Variants in WDPCP observed in about 807,000 individuals in gnomAD.
WDPCP encodes WD repeat containing planar cell polarity effector.
A neutral mutation model predicts 93.1 loss-of-function variants in WDPCP; 71 were observed. The ratio of observed to expected loss-of-function variants is 0.76; its 90% CI spans 0.63 to 0.93. The LOEUF (loss-of-function observed/expected upper bound fraction) is 0.93, where lower values mean the gene tolerates loss of function less well. Ranked by LOEUF, WDPCP falls within the 40% of genes least tolerant of loss-of-function variation. The probability of loss-of-function intolerance (pLI) is 0.00; values close to 1 mark genes in which losing one functional copy is unlikely to be tolerated. For synonymous variants in WDPCP, 315 were observed against 315.0 expected (o/e 1.00, Z 0.00); for missense variants, 844 against 887.4 (o/e 0.95, Z 0.62).
intron 2 of WDPCP, among the ~76,000 whole-genome samples, chr2:63,774,161 G>T (rs1670269622): frequency 6.6e-6 from 1 of 152,034 alleles, no homozygotes; most frequent in Non-Finnish European, 1.5e-5. Context: ...TTGTAGGTCA[G>T]AAATTACACA....
Position 63,381,960 on chromosome 2 carries a change from T to C in WDPCP, c.1570A>G (p.Met524Val). 6.2e-7 allele frequency: 1 copy of C among 1,613,588 alleles called. No homozygotes were observed. Among genetic ancestry groups the C allele is most frequent in the Non-Finnish European group, 8.5e-7 (1 of 1,179,722 alleles). ...DTLGHQCFIS[M>V]SAIVNHLLRQ... ...AGAAGATGGTTTACAATGGCGCTCA[T>C]GCTGATAAAGCACTGGTGGCCCAGA... is the stretch of plus-strand genomic sequence containing the variant. The change falls in exon 11 of 18, where the codon ATG becomes GTG. Residue 524 changes from methionine (M) to valine (V), a missense_variant. Transcript: ENST00000272321.
chr2:63,597,262 G>T, intron 3 of WDPCP: 1 of 1,235,382 alleles, frequency 8.1e-7, no homozygotes, highest in Non-Finnish European at 1.0e-6. Context: ...TCTTTCTCAG[G>T]CTCCTGAAAT....
intron 10 of WDPCP, among the ~76,000 whole-genome samples, chr2:63,397,202 A>G (rs1336186586): frequency 6.6e-6 from 1 of 152,168 alleles, no homozygotes; most frequent in Non-Finnish European, 1.5e-5. Context: ...TTTTGACTGT[A>G]TTTAGAAGGC....
chr2:63,269,321 T>C (rs1682429641), intron 13 of WDPCP, among the ~76,000 whole-genome samples: 2 of 152,204 alleles, frequency 1.3e-5, no homozygotes, highest in African/African-American at 4.8e-5. Context: ...TGACTTATAT[T>C]AGCATCATCA....
At chr2:63,542,634 C>G (rs1704831507) in intron 1 of WDPCP, among the ~76,000 whole-genome samples, 1 of 152,186 alleles carries the variant, frequency 6.6e-6, no homozygotes, top group Non-Finnish European at 1.5e-5. Flanking sequence ...TACTCAAATA[C>G]TAAATATGTA....
chr2:63,806,047 T>C (rs565111678), intron 2 of WDPCP, among the ~76,000 whole-genome samples: 17 of 152,022 alleles, frequency 1.1e-4, no homozygotes, highest in Admixed American at 3.3e-4. Context: ...CCAGGAGGCG[T>C]AGGTTGCAGT....
intron 6 of WDPCP, chr2:63,441,448 A>G (rs1188506299): frequency 2.0e-5 from 3 of 151,834 alleles, no homozygotes; most frequent in Admixed American, 6.6e-5. Flanking sequence ...ATTTATTTTT[A>G]TCTACTAAAG....
intron 6 of WDPCP, among the ~76,000 whole-genome samples, chr2:63,465,039 C>G (rs1452945768): frequency 6.6e-6 from 1 of 151,222 alleles, no homozygotes; most frequent in African/African-American, 2.4e-5. Context: ...AAACACAGTA[C>G]CATATGTTTT....
chr2:63,537,242 T>C (rs969172155), intron 1 of WDPCP, among the ~76,000 whole-genome samples: 1 of 152,224 alleles, frequency 6.6e-6, no homozygotes, highest in Non-Finnish European at 1.5e-5. Flanking sequence ...TTGCTGTTAC[T>C]AGTTAAATAT....
At chr2:63,620,181 C>T (rs955885831) in intron 3 of WDPCP, among the ~76,000 whole-genome samples, 1 of 152,136 alleles carries the variant, frequency 6.6e-6, no homozygotes, top group African/African-American at 2.4e-5. Flanking sequence ...GAAGCGTTCA[C>T]CCCCCTGGAA....
intron 17 of WDPCP, among the ~76,000 whole-genome samples, chr2:63,137,954 G>A (rs143839067): frequency 1.3e-4 from 20 of 151,998 alleles, no homozygotes; most frequent in African/African-American, 4.3e-4. Context: ...TTTGGTTACT[G>A]TAGTTCTGTA....
chr2:63,149,878 A>G (rs750828626), intron 17 of WDPCP, among the ~76,000 whole-genome samples: 1 of 152,188 alleles, frequency 6.6e-6, no homozygotes, highest in Non-Finnish European at 1.5e-5. Flanking sequence ...GCATGCACCT[A>G]TAATTCTAGC....
chr2:63,640,256 C>A (rs1210248529), intron 3 of WDPCP, among the ~76,000 whole-genome samples: 2 of 152,108 alleles, frequency 1.3e-5, no homozygotes, highest in Non-Finnish European at 2.9e-5. Context: ...GATCCTCCCA[C>A]TTCGGCCTCC....
At chr2:63,561,235 T>G (rs540632595) in intron 1 of WDPCP, among the ~76,000 whole-genome samples, 1 of 152,154 alleles carries the variant, frequency 6.6e-6, no homozygotes, top group East Asian at 1.9e-4. Flanking sequence ...TCCCAGCACT[T>G]TGGGAGGCCG....
At chr2:63,335,037 T>TC (rs1177294906) in intron 12 of WDPCP, among the ~76,000 whole-genome samples, 2 of 152,186 alleles carry the variant, frequency 1.3e-5, no homozygotes, top group African/African-American at 4.8e-5. Flanking sequence ...GCATATCTGA[T>TC]TGCTTCCTCT....
chr2:63,226,468 G>A (rs1002329595), intron 14 of WDPCP, among the ~76,000 whole-genome samples: 4 of 151,634 alleles, frequency 2.6e-5, no homozygotes, highest in African/African-American at 9.7e-5. Context: ...CCTGACCTGA[G>A]TCATCTTTGT....
intron 2 of WDPCP, among the ~76,000 whole-genome samples, chr2:63,690,955 A>C (rs535429375): frequency 1.6e-4 from 24 of 152,302 alleles, no homozygotes; most frequent in East Asian, 1.5e-3. Flanking sequence ...GTAAAAAAAA[A>C]CCACATAATT....
chr2:63,773,860 T>A (rs1398041141), intron 2 of WDPCP, among the ~76,000 whole-genome samples: 1 of 152,066 alleles, frequency 6.6e-6, no homozygotes, highest in Non-Finnish European at 1.5e-5. Context: ...ATAAAAACGT[T>A]GAGTATTGGC....
At chr2:63,799,554 A>C (rs950184207) in intron 2 of WDPCP, among the ~76,000 whole-genome samples, 10 of 152,174 alleles carry the variant, frequency 6.6e-5, no homozygotes, top group Non-Finnish European at 1.2e-4. Flanking sequence ...TCTTTTCTCA[A>C]GGGATATAAT....
Sources: gnomAD v4.1 joint callset for allele counts (sites outside exome capture counted in the v4.1 genomes callset) on GRCh38, gnomAD v4.1.1 for gene constraint, MANE v1.5 for transcripts, NCBI Gene and HGNC (gene_info 2026-07-23, HGNC 2026-07-21) for gene names.